The following CHST8 variants were observed in gnomAD, a reference collection of about 807,000 sequenced individuals.
The protein encoded by CHST8 is GALNAC-4-ST1.
In CHST8, 10 loss-of-function variants were observed where a neutral mutation model predicts 15.0. That is an observed-to-expected ratio of 0.67 (90% CI 0.41 to 1.13). CHST8 has a LOEUF of 1.13. Among genes scored for constraint, CHST8 ranks in the 50% most tolerant of loss-of-function variants. The pLI, the probability that CHST8 is intolerant of heterozygous loss-of-function variation, is 0.00. For synonymous variants in CHST8, 259 were observed against 256.6 expected (o/e 1.01, Z -0.09); for missense variants, 634 against 608.2 (o/e 1.04, Z -0.45).
At chr19:33,692,634 C>T (rs956648258) in intron 3 of CHST8, among the ~76,000 whole-genome samples, 7 of 152,238 alleles carry the variant, frequency 4.6e-5, no homozygotes, top group Middle Eastern at 3.4e-3. Context: ...CCCAGGAGGT[C>T]GAGACTGCAG....
intron 3 of CHST8, among the ~76,000 whole-genome samples, chr19:33,764,580 C>G (rs906997245): frequency 1.8e-4 from 27 of 152,170 alleles, no homozygotes; most frequent in African/African-American, 6.3e-4. Flanking sequence ...AAATTGGGTG[C>G]CCGCCCCACC....
chr19:33,625,099 T>C (rs1292276659), intron 1 of CHST8, among the ~76,000 whole-genome samples: 1 of 152,008 alleles, frequency 6.6e-6, no homozygotes, highest in Non-Finnish European at 1.5e-5. Flanking sequence ...TTTTTTTTTT[T>C]TTTGAGATAA....
At chr19:33,704,570 A>G (rs1973409827) in intron 3 of CHST8, among the ~76,000 whole-genome samples, 1 of 152,246 alleles carries the variant, frequency 6.6e-6, no homozygotes, top group Non-Finnish European at 1.5e-5. Flanking sequence ...GTGTAAGTCC[A>G]GGGTGGCCAG....
At chr19:33,760,428 C>T (rs1974699596) in intron 3 of CHST8, among the ~76,000 whole-genome samples, 2 of 151,782 alleles carry the variant, frequency 1.3e-5, no homozygotes, top group Non-Finnish European at 2.9e-5. Flanking sequence ...ACTGATCCTC[C>T]CACCTTAGCC....
In CHST8 at chr19:33,757,382, A is replaced by G. The variant is rs138782173; in HGVS notation, c.131-14031A>G. The stretch of plus-strand genomic sequence containing the variant: ...GCAACAGAGTGAGACGCGGTCTCAA[A>G]AAAAGAAGAAAGAAAGAAAGAAAGA... On this transcript the variant is annotated intron_variant, in intron 3 of 4. Transcript: ENST00000650847. Among the ~76,000 whole-genome samples, 861 of 107,276 alleles carry G rather than the reference A, an allele frequency of 8.0e-3. 13 individuals are homozygous for G. The highest frequency in any genetic ancestry group is 0.014 in the East Asian group (52 of 3,714). 70.4% of individuals were successfully genotyped at this position (107,276 alleles called of 152,430 possible). A position where few individuals can be genotyped will look rare whatever the true frequency, so the allele number is the denominator to read the frequency against.
chr19:33,772,225 G>A lies in CHST8; in HGVS notation c.437G>A (p.Trp146Ter), dbSNP rs765422863. The A allele has an allele frequency of 6.3e-7, 1 of 1,596,974 alleles. No individual in the cohort carries two copies. Among genetic ancestry groups the A allele is most frequent in the South Asian group, 1.1e-5 (1 of 90,210 alleles). ...GGACCCGGGACGCTGGATGGCCGCT[G>A]GGTCAGCCTGCACCGGAGCCAGCAG... The part of the protein sequence containing the change: ...RPGPGTLDGR[W>*]VSLHRSQQER... The change falls in exon 5 of 5, where the codon TGG becomes TAG. Residue 146 changes from tryptophan (W) to a stop codon, truncating the protein, a stop_gained. Coordinates refer to ENST00000650847, the MANE Select transcript of CHST8 (RefSeq NM_001127895.2). LOFTEE classifies it low-confidence loss of function (END_TRUNC).
intron 3 of CHST8, among the ~76,000 whole-genome samples, chr19:33,769,814 A>T (rs1041018699): frequency 2.0e-5 from 3 of 152,090 alleles, no homozygotes; most frequent in Non-Finnish European, 4.4e-5. Context: ...ACATGCACGC[A>T]TGTGCACATA....
intron 1 of CHST8, among the ~76,000 whole-genome samples, chr19:33,652,976 T>C (rs192552944): frequency 1.8e-3 from 267 of 152,354 alleles, no homozygotes; most frequent in African/African-American, 5.5e-3. Context: ...TCCCATCCTA[T>C]ATCTTTTGTT....
At chr19:33,742,867 G>A (rs1417840903) in intron 3 of CHST8, among the ~76,000 whole-genome samples, 1 of 152,058 alleles carries the variant, frequency 6.6e-6, no homozygotes, top group African/African-American at 2.4e-5. Context: ...GGTTATGATG[G>A]CTAAGTACCA....
intron 3 of CHST8, among the ~76,000 whole-genome samples, chr19:33,740,320 C>T (rs558293914): frequency 2.0e-5 from 3 of 152,250 alleles, no homozygotes; most frequent in South Asian, 2.1e-4. Flanking sequence ...CTGTGGGCAT[C>T]GGTTTGCAGA....
intron 3 of CHST8, among the ~76,000 whole-genome samples, chr19:33,758,742 AG>A (rs1448491515): frequency 6.6e-6 from 1 of 152,220 alleles, no homozygotes; most frequent in Non-Finnish European, 1.5e-5. Context: ...GGCCTGTCTC[AG>A]GGCTGGGCCA....
In CHST8 at chr19:33,732,136, A is replaced by G. The variant is rs1461669672; in HGVS notation, c.131-39277A>G. Among the ~76,000 whole-genome samples the G allele has an allele frequency of 3.3e-5, 5 of 152,260 alleles. No homozygotes were observed. In the East Asian group the frequency reaches 9.7e-4, roughly 30 times the overall value. On this transcript the variant is annotated intron_variant, in intron 3 of 4. Coordinates refer to ENST00000650847, the MANE Select transcript of CHST8 (RefSeq NM_001127895.2). ...CTGCCTCTTTCTTTTGGGCTCTGAAAAGCCGCCCCCTGAGGCTCATGATTG... is the reference window on the plus strand; with the variant it reads ...CTGCCTCTTTCTTTTGGGCTCTGAAGAGCCGCCCCCTGAGGCTCATGATTG...
rs752968331 is a variant in CHST8, at chr19:33,772,655, C to G, written c.867C>G (p.Ala289=). Residue 289 remains alanine, a synonymous_variant, in exon 5 of 5, where the codon GCC becomes GCG. Transcript: ENST00000650847. ...YHPVFGKAIL[A]RYRANASREA... ...CGGTCTTCGGCAAGGCCATCCTGGC[C>G]CGGTACCGCGCCAATGCCTCTCGGG... is the stretch of plus-strand genomic sequence containing the variant. 1.9e-6 allele frequency: 3 copies of G among 1,613,914 alleles called. No homozygotes were observed. The South Asian group carries it at 3.3e-5, about 18-fold the overall frequency.
At chr19:33,713,612 C>T (rs370471549) in intron 3 of CHST8, among the ~76,000 whole-genome samples, 424 of 152,210 alleles carry the variant, frequency 2.8e-3, no homozygotes, top group Non-Finnish European at 4.6e-3. Flanking sequence ...GTTGCCCTGG[C>T]TGGAGTGCAG....
intron 1 of CHST8, among the ~76,000 whole-genome samples, chr19:33,630,655 G>A (rs918086964): frequency 1.3e-5 from 2 of 150,912 alleles, no homozygotes; most frequent in African/African-American, 4.9e-5. Flanking sequence ...CTACGATGAC[G>A]GAGCCAGCAC....
At chr19:33,762,209 A>T (rs1974746382) in intron 3 of CHST8, among the ~76,000 whole-genome samples, 1 of 152,228 alleles carries the variant, frequency 6.6e-6, no homozygotes. Flanking sequence ...AGGGATGCTG[A>T]GAAGCAGGAG....
chr19:33,644,454 G>T (rs1239234911), intron 1 of CHST8, among the ~76,000 whole-genome samples: 1 of 152,122 alleles, frequency 6.6e-6, no homozygotes, highest in Non-Finnish European at 1.5e-5. Flanking sequence ...GTATATGATG[G>T]CCGGGTGTGG....
intron 3 of CHST8, among the ~76,000 whole-genome samples, chr19:33,716,718 C>T (rs748701352): frequency 2.4e-4 from 36 of 152,124 alleles, no homozygotes; most frequent in Non-Finnish European, 4.3e-4. Context: ...TCAGGGTATT[C>T]GGGTGAGGAG....
intron 3 of CHST8, among the ~76,000 whole-genome samples, chr19:33,751,086 G>A: frequency 6.6e-6 from 1 of 152,150 alleles, no homozygotes; most frequent in East Asian, 1.9e-4. Context: ...GCAGAAAATG[G>A]AACAAAATGG....
Sources: gnomAD v4.1 joint callset for allele counts (sites outside exome capture counted in the v4.1 genomes callset) on GRCh38, gnomAD v4.1.1 for gene constraint, MANE v1.5 for transcripts, NCBI Gene and HGNC (gene_info 2026-07-23, HGNC 2026-07-21) for gene names.